Variants in LYZL6 observed in about 807,000 individuals in gnomAD.
LYZL6 encodes lysozyme-like protein 6.
In LYZL6, 21 loss-of-function variants were observed where a neutral mutation model predicts 15.0. That is an observed-to-expected ratio of 1.40 (90% CI 1.00 to 2.02). The LOEUF (loss-of-function observed/expected upper bound fraction) is 2.02, where lower values mean the gene tolerates loss of function less well. LYZL6 is among the 30% of genes most tolerant of loss of function. The pLI is 0.00. For synonymous variants in LYZL6, 72 were observed against 67.8 expected, an observed-to-expected ratio of 1.06 and a Z score of -0.31; for missense variants, 173 against 180.5, an observed-to-expected ratio of 0.96 and a Z score of 0.24.
chr17:35,939,148 G>C, intron 2 of LYZL6, 70 bp downstream of exon 2: 1 of 1,535,278 alleles, frequency 6.5e-7, no homozygotes, highest in Non-Finnish European at 8.8e-7. Flanking sequence ...GAACAGGAGA[G>C]AAAGAAGCTG....
chr17:35,943,182 G>A (rs769621961), intron 1 of LYZL6, among the ~76,000 whole-genome samples: 4 of 152,084 alleles, frequency 2.6e-5, no homozygotes, highest in East Asian at 3.8e-4. Flanking sequence ...CTCTGTGTGC[G>A]TGTGTGTCTG....
chr17:35,940,979 A>G (rs1461175676), intron 1 of LYZL6, among the ~76,000 whole-genome samples: 1 of 152,184 alleles, frequency 6.6e-6, no homozygotes, highest in Non-Finnish European at 1.5e-5. Flanking sequence ...ATGAACATTA[A>G]CATACTAGTT....
Position 35,937,793 on chromosome 17 carries a change from C to G in LYZL6, c.263G>C (p.Ser88Thr), listed in dbSNP as rs377581587. The change falls in exon 3 of 5, where the codon AGT becomes ACT. Residue 88 changes from serine (S) to threonine (T), a missense_variant. Physicochemically the swap from Ser to Thr is moderately conservative, Grantham distance 58. Transcript: ENST00000615905. ...TACGTGGCAAAGGTTTTCCGAGTAA[C>G]TCTTATAATCGTTGCACCAGTAGTG... ...NSHYWCNDYK[S>T]YSENLCHVDC... 1.1e-5 allele frequency: 18 copies of G among 1,614,066 alleles called. No individual in the cohort carries two copies. The highest frequency in any genetic ancestry group is 2.2e-5 in the East Asian group (1 of 44,902).
At chr17:35,934,924 A>C in intron 4 of LYZL6, 59 bp from the exon 5 acceptor site, 1 of 1,547,500 alleles carries the variant, frequency 6.5e-7, no homozygotes, top group Non-Finnish European at 8.9e-7. Context: ...CACACACATG[A>C]CCCAGTTCTT....
Position 35,934,659 on chromosome 17 carries a change from G to A in LYZL6, c.*137C>T. 4 of 756,128 alleles carry A rather than the reference G, an allele frequency of 5.3e-6. No homozygotes were observed. In the South Asian group the frequency reaches 7.6e-5, roughly 14 times the overall value. 46.8% of individuals were successfully genotyped at this position (756,128 alleles called of 1,614,324 possible). On this transcript the variant is annotated 3_prime_UTR_variant, in exon 5 of 5. Transcript: ENST00000615905. ...AAGCCAAGAAAACCATTTATTCCTG[G>A]GGCTCTGGTCAGTTTTAGTTGTAAA...
At chr17:35,942,628 G>A (rs2089432205) in intron 1 of LYZL6, among the ~76,000 whole-genome samples, 1 of 152,108 alleles carries the variant, frequency 6.6e-6, no homozygotes, top group Non-Finnish European at 1.5e-5. Context: ...CGCAGTTCAA[G>A]GAAATCACTT....
At chr17:35,937,953 G>C in intron 2 of LYZL6, 37 bp from the exon 3 acceptor site, 4 of 1,598,374 alleles carry the variant, frequency 2.5e-6, no homozygotes, top group Non-Finnish European at 3.4e-6. Flanking sequence ...ATTTAGAGGG[G>C]ACCAAGCTGA....
chr17:35,940,103 T>C (rs1321481475), intron 1 of LYZL6, among the ~76,000 whole-genome samples: 1 of 152,084 alleles, frequency 6.6e-6, no homozygotes, highest in Non-Finnish European at 1.5e-5. Context: ...TATGTGTGTG[T>C]GCGCGTGTGT....
rs1202511575 is a variant in LYZL6 at position 35,941,159 on chromosome 17, G to GT, written c.-202-1602dup. ...TTTCTCTACATCCTCACCAACACTT[G>GT]TTATTATCTGTCTTCTTGACAAAAG... On this transcript the variant is annotated intron_variant, in intron 1 of 4. Transcript: ENST00000615905. Among the ~76,000 whole-genome samples the GT allele has an allele frequency of 1.6e-4, 24 of 152,196 alleles. 1 individual carries two copies. The highest frequency in any genetic ancestry group is 4.4e-5 in the Non-Finnish European group (3 of 68,040).
intron 3 of LYZL6, among the ~76,000 whole-genome samples, chr17:35,937,472 G>A (rs2089384627): frequency 6.6e-6 from 1 of 152,202 alleles, no homozygotes; most frequent in South Asian, 2.1e-4. Context: ...AGTATGTAAA[G>A]CACTTAGTGT....
At position 35,942,722 on chromosome 17, in the gene LYZL6, G is replaced by A. The variant is rs139611194; in HGVS notation, c.-203+845C>T. ...CACAGAAGGATGGGGGAAGTCTCCT[G>A]GGTAATCACCAAACTTCACACTTAT... On this transcript the variant is annotated intron_variant, in intron 1 of 4. Transcript: ENST00000615905. Among the ~76,000 whole-genome samples the A allele has an allele frequency of 2.7e-4, 41 of 152,248 alleles. No homozygotes were observed. In the East Asian group the frequency reaches 3.1e-3, roughly 11 times the overall value.
intron 4 of LYZL6, 169 bp downstream of exon 4, chr17:35,936,586 A>G: frequency 1.7e-6 from 1 of 586,236 alleles, no homozygotes; most frequent in Non-Finnish European, 3.0e-6. Context: ...GTTTTGTTTA[A>G]TACAATATCA....
chr17:35,938,940 A>T (rs1028133946), intron 2 of LYZL6, among the ~76,000 whole-genome samples: 1 of 152,154 alleles, frequency 6.6e-6, no homozygotes, highest in African/African-American at 2.4e-5. Context: ...GCAGTACGTT[A>T]TGAGTGTGTT....
chr17:35,936,334 C>T (rs1192046089), intron 4 of LYZL6, among the ~76,000 whole-genome samples: 1 of 152,196 alleles, frequency 6.6e-6, no homozygotes, highest in Non-Finnish European at 1.5e-5. Context: ...ATTAACTTTG[C>T]AGCACCCTTT....
intron 4 of LYZL6, among the ~76,000 whole-genome samples, chr17:35,935,811 C>T (rs1020377190): frequency 4.0e-5 from 6 of 150,048 alleles, no homozygotes; most frequent in Middle Eastern, 3.6e-3. Flanking sequence ...TGCGCCCAGC[C>T]GCCACATTTT....
chr17:35,938,582 C>G (rs1183878883), intron 2 of LYZL6, among the ~76,000 whole-genome samples: 1 of 148,776 alleles, frequency 6.7e-6, no homozygotes, highest in Non-Finnish European at 1.5e-5. Flanking sequence ...CGCGCCACTA[C>G]ACTCCAGCCT....
chr17:35,938,632 AG>A (rs1188982379), intron 2 of LYZL6, among the ~76,000 whole-genome samples: 1 of 150,572 alleles, frequency 6.6e-6, no homozygotes, highest in Non-Finnish European at 1.5e-5. Context: ...AAAAAAAAAA[AG>A]GTACCTAAAA....
At chr17:35,934,954 G>T (rs2141964158) in intron 4 of LYZL6, 89 bp from the exon 5 acceptor site, 2 of 1,217,840 alleles carry the variant, frequency 1.6e-6, no homozygotes, top group Non-Finnish European at 2.4e-6. Context: ...CGCATATGGA[G>T]CAACGCCCAG....
intron 4 of LYZL6, among the ~76,000 whole-genome samples, chr17:35,936,281 A>T (rs1045925679): frequency 6.6e-6 from 1 of 152,192 alleles, no homozygotes; most frequent in South Asian, 2.1e-4. Context: ...TTGGACTGGG[A>T]CTGAGCCTAG....
Sources: allele counts gnomAD v4.1 joint callset (sites outside exome capture counted in the v4.1 genomes callset), GRCh38; gene constraint gnomAD v4.1.1; transcripts MANE v1.5; gene names NCBI Gene and HGNC (gene_info 2026-07-23, HGNC 2026-07-21).